Variants in ABTB3 observed in about 807,000 individuals in gnomAD.
ABTB3 encodes the protein ankyrin repeat- and BTB/POZ domain-containing protein 3.
the ABTB3 span, among the ~76,000 whole-genome samples, chr12:107,376,144 G>T: frequency 6.6e-6 from 1 of 152,070 alleles, no homozygotes; most frequent in Non-Finnish European, 1.5e-5. Context: ...CCTCGAAGAT[G>T]CCCTCCTCTC....
the ABTB3 span, among the ~76,000 whole-genome samples, chr12:107,377,671 G>T: frequency 6.6e-6 from 1 of 152,230 alleles, no homozygotes; most frequent in South Asian, 2.1e-4. Context: ...CTGAGCTACT[G>T]TAAACATACA....
chr12:107,563,100 A>G, the ABTB3 span, among the ~76,000 whole-genome samples: 1 of 152,140 alleles, frequency 6.6e-6, no homozygotes, highest in East Asian at 1.9e-4. Context: ...CATAGTTTTT[A>G]TCCAAGCCTG....
the ABTB3 span, among the ~76,000 whole-genome samples, chr12:107,370,541 C>T: frequency 2.0e-5 from 3 of 152,196 alleles, no homozygotes; most frequent in African/African-American, 7.2e-5. Context: ...CCCTTCCTCT[C>T]TCAGCCCTTT....
chr12:107,479,420 A>G, the ABTB3 span, among the ~76,000 whole-genome samples: 2 of 150,714 alleles, frequency 1.3e-5, no homozygotes, highest in African/African-American at 4.9e-5. Context: ...CCCTCTCTGC[A>G]TCTCGGTGTC....
chr12:107,321,618 CACACACACACACAT>C, the ABTB3 span, among the ~76,000 whole-genome samples: 6 of 84,010 alleles, frequency 7.1e-5, no homozygotes, highest in Non-Finnish European at 1.2e-4. Context: ...CACACACACA[CACACACACACACAT>C]CCTGAAATAT....
the ABTB3 span, among the ~76,000 whole-genome samples, chr12:107,368,413 C>T: frequency 4.6e-5 from 7 of 152,226 alleles, no homozygotes; most frequent in African/African-American, 1.7e-4. Flanking sequence ...GAGACGGAGA[C>T]ACTGGAAATA....
At chr12:107,459,843 C>T in the ABTB3 span, among the ~76,000 whole-genome samples, 12 of 152,210 alleles carry the variant, frequency 7.9e-5, no homozygotes, top group East Asian at 1.9e-4. Flanking sequence ...GGCCGTGGCC[C>T]GGCCCTCCAG....
the ABTB3 span, among the ~76,000 whole-genome samples, chr12:107,397,684 T>C: frequency 6.6e-6 from 1 of 152,236 alleles, no homozygotes; most frequent in East Asian, 1.9e-4. Flanking sequence ...GACCTGATAA[T>C]GTAAAGATAC....
chr12:107,595,360 A>G, the ABTB3 span, among the ~76,000 whole-genome samples: 1 of 152,306 alleles, frequency 6.6e-6, no homozygotes, highest in Middle Eastern at 3.4e-3. Flanking sequence ...TGACCTGAGG[A>G]GCACCCCATT....
chr12:107,540,397 G>A, the ABTB3 span, among the ~76,000 whole-genome samples: 17 of 152,160 alleles, frequency 1.1e-4, no homozygotes, highest in Non-Finnish European at 2.5e-4. Flanking sequence ...CACTGGGTGA[G>A]GACAGGTCTT....
the ABTB3 span, chr12:107,617,171 C>T: frequency 1.9e-6 from 3 of 1,614,076 alleles, no homozygotes; most frequent in Non-Finnish European, 2.5e-6. Context: ...CTCCAGCTGG[C>T]AGCTGCTGTA....
At chr12:107,651,753 C>G in the ABTB3 span, 3 of 1,614,058 alleles carry the variant, frequency 1.9e-6, no homozygotes, top group Non-Finnish European at 8.5e-7. Flanking sequence ...AGCATCAATA[C>G]CGACAACTGT....
At chr12:107,655,270 T>TATAC in the ABTB3 span, among the ~76,000 whole-genome samples, 4 of 151,860 alleles carry the variant, frequency 2.6e-5, no homozygotes, top group Admixed American at 2.6e-4. Flanking sequence ...TATATATATA[T>TATAC]ATATACACCT....
the ABTB3 span, among the ~76,000 whole-genome samples, chr12:107,426,923 G>GCC: frequency 1.3e-5 from 2 of 152,230 alleles, no homozygotes; most frequent in African/African-American, 4.8e-5. Context: ...CCTGGCAGTA[G>GCC]CCCCCTTATT....
the ABTB3 span, among the ~76,000 whole-genome samples, chr12:107,555,420 T>C: frequency 6.2e-4 from 94 of 152,288 alleles, no homozygotes; most frequent in Middle Eastern, 6.8e-3. Flanking sequence ...AAGAAACAGC[T>C]CTCTCTCACA....
At chr12:107,441,627 A>G in the ABTB3 span, among the ~76,000 whole-genome samples, 3 of 152,088 alleles carry the variant, frequency 2.0e-5, no homozygotes, top group African/African-American at 7.2e-5. Context: ...AATAAAAATT[A>G]AAACTTAAAA....
the ABTB3 span, among the ~76,000 whole-genome samples, chr12:107,336,051 G>A: frequency 6.6e-6 from 1 of 152,164 alleles, no homozygotes; most frequent in Admixed American, 6.5e-5. Flanking sequence ...CTCCTTCACT[G>A]CTGCATCCTC....
At chr12:107,367,438 C>G in the ABTB3 span, among the ~76,000 whole-genome samples, 1 of 152,060 alleles carries the variant, frequency 6.6e-6, no homozygotes, top group African/African-American at 2.4e-5. Flanking sequence ...CTCAGAAGTT[C>G]ACGGAAATTT....
chr12:107,499,163 C>T, the ABTB3 span, among the ~76,000 whole-genome samples: 4 of 152,120 alleles, frequency 2.6e-5, no homozygotes, highest in African/African-American at 9.7e-5. Context: ...TTAGCATTGT[C>T]CAAGGCTTCC....
Sources: allele counts gnomAD v4.1 joint callset (sites outside exome capture counted in the v4.1 genomes callset), GRCh38; gene constraint gnomAD v4.1.1; transcripts MANE v1.5; gene names NCBI Gene and HGNC (gene_info 2026-07-23, HGNC 2026-07-21).